The following GREB1 variants were observed in gnomAD, a reference collection of about 807,000 sequenced individuals.
GREB1 encodes growth regulating estrogen receptor binding 1.
In GREB1, 106 loss-of-function variants were observed where a neutral mutation model predicts 200.7. That is an observed-to-expected ratio of 0.53 (90% confidence interval 0.45 to 0.62). The LOEUF is 0.62. GREB1 is among the 20% of genes least tolerant of loss of function. The probability of loss-of-function intolerance (pLI) is 0.00; values close to 1 mark genes in which losing one functional copy is unlikely to be tolerated. For missense variants in GREB1, 2,243 were observed against 2,556.8 expected (o/e 0.88, Z 2.65); for synonymous variants, 1,132 against 1,092.4 (o/e 1.04, Z -0.72).
At chr2:11,638,342 T>C (rs1685548570) in intron 31 of GREB1, among the ~76,000 whole-genome samples, 1 of 152,158 alleles carries the variant, frequency 6.6e-6, no homozygotes, top group African/African-American at 2.4e-5. Context: ...GGTTTCACTA[T>C]GTTGTCCAGG....
intron 1 of GREB1, among the ~76,000 whole-genome samples, chr2:11,547,787 A>C (rs1675425692): frequency 6.6e-6 from 1 of 152,102 alleles, no homozygotes; most frequent in Non-Finnish European, 1.5e-5. Flanking sequence ...TCCAAATAAC[A>C]ACTGGTGTTG....
intron 1 of GREB1, among the ~76,000 whole-genome samples, chr2:11,552,739 C>G (rs10929755): frequency 6.6e-6 from 1 of 151,874 alleles, no homozygotes; most frequent in Non-Finnish European, 1.5e-5. Context: ...TGGCCGGGCG[C>G]GGTGGCTCAC....
intron 1 of GREB1, chr2:11,517,363 T>A (rs1393534722): frequency 2.0e-5 from 3 of 152,662 alleles, no homozygotes; most frequent in Non-Finnish European, 2.9e-5. Context: ...CCTTCCCAGC[T>A]GGCTCAGGTG....
In GREB1 at chr2:11,600,804, A is replaced by C; in HGVS notation, c.2338A>C (p.Thr780Pro). The change falls in exon 16 of 33, where the codon ACT becomes CCT. Residue 780 changes from threonine to proline, a missense_variant. Coordinates refer to ENST00000381486, the MANE Select transcript of GREB1 (RefSeq NM_014668.4). ...TTGTGTCTTCTCCTCCCTCAGTAGC[A>C]CTGTTCATAACCTCTATTCTCAAAG... ...DHAHWDLVSS[T>P]VHNLYSQSDP... The C allele has an allele frequency of 6.2e-7, 1 of 1,612,838 alleles. No homozygotes were observed. Among genetic ancestry groups the C allele is most frequent in the South Asian group, 1.1e-5 (1 of 91,050 alleles).
At chr2:11,550,133 G>T (rs1483733694) in intron 1 of GREB1, among the ~76,000 whole-genome samples, 1 of 152,150 alleles carries the variant, frequency 6.6e-6, no homozygotes, top group African/African-American at 2.4e-5. Flanking sequence ...CAGGAGAATC[G>T]CTTGAACCTG....
intron 15 of GREB1, among the ~76,000 whole-genome samples, chr2:11,599,809 C>T (rs954220136): frequency 6.6e-6 from 1 of 152,004 alleles, no homozygotes; most frequent in Non-Finnish European, 1.5e-5. Flanking sequence ...CGTGAGCCAC[C>T]GCACCCGGCT....
At chr2:11,484,081 GT>G (rs1203096063) in intron 1 of GREB1, among the ~76,000 whole-genome samples, 1 of 152,114 alleles carries the variant, frequency 6.6e-6, no homozygotes, top group East Asian at 1.9e-4. Context: ...AAATATTGTG[GT>G]CATGCCGCCT....
At chr2:11,599,332 C>CT (rs796915838) in intron 15 of GREB1, among the ~76,000 whole-genome samples, 3,974 of 135,150 alleles carry the variant, frequency 0.029, 164 homozygotes, top group African/African-American at 0.087. Context: ...GCCTGCCCTT[C>CT]TTTTTTTTTT....
At chr2:11,616,005 C>T (rs1350312064) in intron 20 of GREB1, among the ~76,000 whole-genome samples, 1 of 152,228 alleles carries the variant, frequency 6.6e-6, no homozygotes, top group Non-Finnish European at 1.5e-5. Context: ...GAAAGGCCTG[C>T]CCGCCTGTAG....
At chr2:11,582,027 C>T (rs1369283910) in intron 7 of GREB1, among the ~76,000 whole-genome samples, 1 of 151,512 alleles carries the variant, frequency 6.6e-6, no homozygotes, top group African/African-American at 2.4e-5. Flanking sequence ...CCCCAGGCAG[C>T]CTCTGCTTTC....
At chr2:11,622,238 G>A (rs188017458) in intron 23 of GREB1, among the ~76,000 whole-genome samples, 2 of 152,172 alleles carry the variant, frequency 1.3e-5, no homozygotes, top group East Asian at 3.9e-4. Context: ...GTGCCACCAC[G>A]CCTGGCTAAT....
At chr2:11,554,055 TC>T (rs1272310967) in intron 1 of GREB1, among the ~76,000 whole-genome samples, 1 of 152,128 alleles carries the variant, frequency 6.6e-6, no homozygotes, top group Non-Finnish European at 1.5e-5. Context: ...AATGCAGGTG[TC>T]CCCAAATGTG....
At chr2:11,485,356 C>A (rs543501432) in intron 1 of GREB1, among the ~76,000 whole-genome samples, 85 of 151,660 alleles carry the variant, frequency 5.6e-4, no homozygotes, top group Admixed American at 2.6e-4. Flanking sequence ...CACTGCCAAC[C>A]TCTGTTTCCT....
intron 1 of GREB1, among the ~76,000 whole-genome samples, chr2:11,515,916 G>T (rs1189494120): frequency 2.0e-5 from 3 of 152,194 alleles, no homozygotes; most frequent in African/African-American, 4.8e-5. Context: ...CCTTAGGGAG[G>T]CAGATTTAGC....
chr2:11,641,196 G>A lies in GREB1; in HGVS notation c.*742G>A, dbSNP rs1252572956. 2.0e-5 allele frequency: 3 copies of A among 152,110 alleles called. No individual in the cohort carries two copies. The highest frequency in any genetic ancestry group is 2.1e-4 in the South Asian group (1 of 4,824). 9.4% of individuals were successfully genotyped at this position (152,110 alleles called of 1,614,324 possible). On this transcript the variant is annotated 3_prime_UTR_variant, in exon 33 of 33. Transcript: ENST00000381486. ...GCTAACAGAGGTTGACCTAAAATTAGCCTTACAAAGGAGAAAGGACCACAT... is the reference window on the plus strand; with the variant it reads ...GCTAACAGAGGTTGACCTAAAATTAACCTTACAAAGGAGAAAGGACCACAT...
upstream of GREB1, among the ~76,000 whole-genome samples, chr2:11,531,595 G>A (rs1368902677): frequency 6.6e-6 from 1 of 151,890 alleles, no homozygotes; most frequent in Non-Finnish European, 1.5e-5. Context: ...TTTTGAGATA[G>A]AGTCTTGCTC....
Position 11,537,701 on chromosome 2 carries a change from T to C in GREB1, c.-162+3447T>C, listed in dbSNP as rs187841691. On this transcript the variant is annotated intron_variant, in intron 1 of 32. Coordinates refer to ENST00000381486, the MANE Select transcript of GREB1 (RefSeq NM_014668.4). The stretch of plus-strand genomic sequence containing the variant: ...TATATTATATATTACATAAATATCA[T>C]ATATTAGATAAATATATGATATTTA... 2.8e-3 allele frequency among the ~76,000 whole-genome samples: 407 copies of C among 147,512 alleles called. 2 individuals carry two copies. The highest frequency in any genetic ancestry group is 9.4e-3 in the African/African-American group (382 of 40,830).
intron 1 of GREB1, among the ~76,000 whole-genome samples, chr2:11,541,200 A>G (rs1217165363): frequency 1.3e-5 from 2 of 152,160 alleles, no homozygotes; most frequent in African/African-American, 4.8e-5. Flanking sequence ...ATGGAACCCC[A>G]GGTGGGAGGG....
intron 10 of GREB1, among the ~76,000 whole-genome samples, chr2:11,590,550 T>C (rs1572842944): frequency 6.6e-6 from 1 of 152,216 alleles, no homozygotes; most frequent in South Asian, 2.1e-4. Context: ...GTCCTTCAGG[T>C]TTTGGGTCAC....
Sources: gnomAD v4.1 joint callset for allele counts (sites outside exome capture counted in the v4.1 genomes callset) on GRCh38, gnomAD v4.1.1 for gene constraint, MANE v1.5 for transcripts, NCBI Gene and HGNC (gene_info 2026-07-23, HGNC 2026-07-21) for gene names.